Variants in MAPT observed in about 807,000 individuals in gnomAD.
The protein encoded by MAPT is microtubule associated protein tau.
MAPT carries 34 observed loss-of-function variants against 67.9 expected under a neutral mutation model. That is an observed-to-expected ratio of 0.50 (90% confidence interval 0.38 to 0.67). The LOEUF is 0.67. Among genes scored for constraint, MAPT ranks in the 30% least tolerant of loss-of-function variants. MAPT has a pLI of 0.00. For missense variants in MAPT, 881 were observed against 1,115.2 expected (o/e 0.79, Z 2.99); for synonymous variants, 456 against 464.5 (o/e 0.98, Z 0.23).
intron 11 of MAPT, among the ~76,000 whole-genome samples, chr17:46,017,471 G>T (rs1598404596): frequency 1.3e-4 from 4 of 30,188 alleles, no homozygotes; most frequent in African/African-American, 4.3e-4. Context: ...TTTTTTTTTT[G>T]AGATGGAGTT....
Position 46,024,408 on chromosome 17 carries a change from T to C in MAPT, c.*237T>C. ...ATTGATGGGTGGGCTAGTAATAAAATATTTAAAAAAAAACATTCAAAAACA... is the reference window on the plus strand; with the variant it reads ...ATTGATGGGTGGGCTAGTAATAAAACATTTAAAAAAAAACATTCAAAAACA... On this transcript the variant is annotated 3_prime_UTR_variant, in exon 13 of 13. Coordinates refer to ENST00000262410, the MANE Select transcript of MAPT (RefSeq NM_001377265.1). 1 of 580,866 alleles carries C rather than the reference T, an allele frequency of 1.7e-6. No individual in the cohort carries two copies. The highest frequency in any genetic ancestry group is 3.0e-5 in the Admixed American group (1 of 32,818). 36.0% of individuals were successfully genotyped at this position (580,866 alleles called of 1,614,324 possible). A position where few individuals can be genotyped will look rare whatever the true frequency, so the allele number is the denominator to read the frequency against.
intron 3 of MAPT, 84 bp from the exon 4 acceptor site, chr17:45,978,291 G>T: frequency 9.3e-7 from 1 of 1,073,166 alleles, no homozygotes; most frequent in Non-Finnish European, 1.5e-6. Context: ...AAGGGAAAAT[G>T]CCCGAAGGTA....
chr17:45,972,029 G>A (rs2071739022), intron 3 of MAPT, 84 bp downstream of exon 3: 1 of 948,860 alleles, frequency 1.1e-6, no homozygotes, highest in East Asian at 2.5e-5. Context: ...TGCATCTGCT[G>A]CTCCCCCTGG....
At chr17:45,941,604 TTCCCTCCC>T (rs1401407249) in intron 1 of MAPT, among the ~76,000 whole-genome samples, 1 of 126,062 alleles carries the variant, frequency 7.9e-6, no homozygotes, top group Non-Finnish European at 1.6e-5. Context: ...CCTTCCTTCC[TTCCCTCCC>T]TCCCCCCTTC....
In MAPT at chr17:45,962,755, G is replaced by A. The variant is rs143613631; in HGVS notation, c.133+285G>A. 2.6e-3 allele frequency among the ~76,000 whole-genome samples: 389 copies of A among 152,092 alleles called. 2 individuals are homozygous for A. Among genetic ancestry groups the A allele is most frequent in the African/African-American group, 8.3e-3 (343 of 41,462 alleles). The stretch of plus-strand genomic sequence containing the variant: ...GGCCTGGGCAACATAGCAAGACCCC[G>A]TCTCTAAAATAATTTAAAAATTAGC... On this transcript the variant is annotated intron_variant, in intron 2 of 12. Transcript: ENST00000262410.
At chr17:45,962,283 C>T (rs1268980015) in intron 1 of MAPT, 38 bp from the exon 2 acceptor site, 3 of 1,581,804 alleles carry the variant, frequency 1.9e-6, no homozygotes, top group East Asian at 4.5e-5. Flanking sequence ...TGCCCCCCAA[C>T]ACTCCTCAGA....
intron 1 of MAPT, among the ~76,000 whole-genome samples, chr17:45,931,481 A>G (rs542719788): frequency 5.3e-5 from 8 of 152,298 alleles, no homozygotes; most frequent in African/African-American, 1.9e-4. Context: ...TGATCCTTTG[A>G]TTGCAGACTG....
At chr17:45,898,704 T>C (rs1270287460) in intron 1 of MAPT, 1 of 152,224 alleles carries the variant, frequency 6.6e-6, no homozygotes, top group East Asian at 1.9e-4. Flanking sequence ...TCTATTGATG[T>C]ATTTATTTAG....
chr17:45,992,915 C>A (rs539459547), intron 8 of MAPT, among the ~76,000 whole-genome samples: 1 of 150,550 alleles, frequency 6.6e-6, no homozygotes, highest in African/African-American at 2.4e-5. Context: ...AAAAAACAGT[C>A]GTCCTCTTTG....
At position 46,027,764 on chromosome 17, in the gene MAPT, G is replaced by A. The variant is rs758257437; in HGVS notation, c.*3593G>A. 1 of 152,300 alleles carries A rather than the reference G, an allele frequency of 6.6e-6. No homozygotes were observed. Among genetic ancestry groups the A allele is most frequent in the African/African-American group, 2.4e-5 (1 of 41,450 alleles). 9.4% of individuals were successfully genotyped at this position (152,300 alleles called of 1,614,324 possible). ...CCTCCCCAGCCAGGTGCAGGCGTAG[G>A]AATATGGACATCTGGTTGCTTTGGC... On this transcript the variant is annotated 3_prime_UTR_variant, in exon 13 of 13. Coordinates refer to ENST00000262410, the MANE Select transcript of MAPT (RefSeq NM_001377265.1).
In MAPT at chr17:46,024,214, G is replaced by C. The variant is rs749989584; in HGVS notation, c.*43G>C. ...TCAATAATTGTGGAGAGGAGAGAAT[G>C]AGAGAGTGTGGAAAAAAAAAGAATA... On this transcript the variant is annotated 3_prime_UTR_variant, in exon 13 of 13. Transcript: ENST00000262410. The C allele has an allele frequency of 7.7e-6, 12 of 1,550,830 alleles. No homozygotes were observed. The East Asian group carries it at 2.5e-4, about 32-fold the overall frequency.
chr17:46,012,846 G>A (rs766210193), intron 10 of MAPT, among the ~76,000 whole-genome samples: 77 of 135,010 alleles, frequency 5.7e-4, no homozygotes, highest in Admixed American at 2.5e-4. Context: ...CACCTCCCTC[G>A]GCCCTGGTCC....
intron 1 of MAPT, among the ~76,000 whole-genome samples, chr17:45,942,190 T>C (rs986188478): frequency 1.3e-5 from 2 of 152,254 alleles, no homozygotes; most frequent in Non-Finnish European, 2.9e-5. Context: ...TCTAGTTTGT[T>C]TATTTGTTTG....
intron 2 of MAPT, among the ~76,000 whole-genome samples, chr17:45,970,998 G>A (rs2071607280): frequency 6.6e-6 from 1 of 152,204 alleles, no homozygotes; most frequent in Non-Finnish European, 1.5e-5. Flanking sequence ...CAACCTTCCA[G>A]AGTGTAAGGC....
At chr17:45,941,701 G>GCCTTCCCTCCTTCCTTCCTTCCTT in intron 1 of MAPT, among the ~76,000 whole-genome samples, 1 of 73,540 alleles carries the variant, frequency 1.4e-5, no homozygotes, top group Middle Eastern at 7.5e-3. Flanking sequence ...CTTCCTTCCT[G>GCCTTCCCTCCTTCCTTCCTTCCTT]CCTGCCTTCC....
chr17:45,996,422 C>T lies in MAPT; in HGVS notation c.1756C>T (p.Arg586Cys), dbSNP rs764359951. The change falls in exon 9 of 13, where the codon CGC becomes TGC. Residue 586 changes from arginine (R) to cysteine (C), a missense_variant. By Grantham distance (180) the Arg-to-Cys change is radical. This residue lies in a region of MAPT where 33 missense variants were observed against 76.0 expected (regional missense o/e 0.43). Coordinates refer to ENST00000262410, the MANE Select transcript of MAPT (RefSeq NM_001377265.1). The surrounding 1 kb of genome is among the most constrained non-coding windows in gnomAD (Gnocchi z 4.5). The part of the protein sequence containing the change: ...SSGEPPKSGD[R>C]SGYSSPGSPG... ...AGGTGAACCTCCAAAATCAGGGGAT[C>T]GCAGCGGCTACAGCAGCCCCGGCTC... The T allele has an allele frequency of 5.6e-6, 9 of 1,612,652 alleles. No individual in the cohort carries two copies. Among genetic ancestry groups the T allele is most frequent in the African/African-American group, 1.3e-5 (1 of 74,900 alleles).
intron 1 of MAPT, among the ~76,000 whole-genome samples, chr17:45,919,194 C>T (rs1290908731): frequency 2.0e-5 from 3 of 152,274 alleles, no homozygotes; most frequent in South Asian, 4.1e-4. Flanking sequence ...GTTGCTGCAG[C>T]ACCGCTCAGC....
chr17:45,999,533 G>A (rs1449251264), intron 9 of MAPT: 3 of 1,613,686 alleles, frequency 1.9e-6, no homozygotes, highest in Non-Finnish European at 2.5e-6. Context: ...GAGAGCAGCA[G>A]GAATGGGGCT....
At chr17:45,992,718 G>T (rs1200476499) in intron 8 of MAPT, among the ~76,000 whole-genome samples, 2 of 151,716 alleles carry the variant, frequency 1.3e-5, no homozygotes, top group Non-Finnish European at 2.9e-5. Context: ...GCAAAACCCC[G>T]TCTCTAATAA....
Sources: gnomAD v4.1 joint callset for allele counts (sites outside exome capture counted in the v4.1 genomes callset) on GRCh38, gnomAD v4.1.1 for gene constraint, gnomAD v4.1.1 regional missense constraint, Gnocchi (gnomAD v3.1) non-coding constraint, MANE v1.5 for transcripts, NCBI Gene and HGNC (gene_info 2026-07-23, HGNC 2026-07-21) for gene names.